ELMO1: variants seen among roughly 807,000 people sequenced by gnomAD.
ELMO1 encodes the protein engulfment and cell motility 1.
A neutral mutation model predicts 98.9 loss-of-function variants in ELMO1; 26 were observed. That is an observed-to-expected ratio of 0.26 (90% CI 0.19 to 0.36). The LOEUF (loss-of-function observed/expected upper bound fraction) is 0.36. ELMO1 is among the 10% of genes least tolerant of loss of function. The pLI, the probability that ELMO1 is intolerant of heterozygous loss-of-function variation, is 1.00. For synonymous variants in ELMO1, 346 were observed against 346.0 expected, an observed-to-expected ratio of 1.00 and a Z score of 0.00; for missense variants, 627 against 935.2, an observed-to-expected ratio of 0.67 and a Z score of 4.30.
intron 15 of ELMO1, among the ~76,000 whole-genome samples, chr7:37,080,624 T>G (rs908649540): frequency 6.9e-6 from 1 of 144,874 alleles, no homozygotes; most frequent in African/African-American, 2.6e-5. Flanking sequence ...TTTTTTTTTT[T>G]GTATTTTTAG....
chr7:36,969,500 C>G (rs1789731683), intron 16 of ELMO1, among the ~76,000 whole-genome samples: 1 of 152,084 alleles, frequency 6.6e-6, no homozygotes, highest in Non-Finnish European at 1.5e-5. Flanking sequence ...AAGTTTAACT[C>G]AGTATGTTTA....
chr7:36,962,528 G>A (rs1260362328), intron 16 of ELMO1, among the ~76,000 whole-genome samples: 2 of 152,142 alleles, frequency 1.3e-5, no homozygotes, highest in Non-Finnish European at 2.9e-5. Context: ...AAGAAGGTAA[G>A]CATGAGAGTC....
intron 13 of ELMO1, among the ~76,000 whole-genome samples, chr7:37,181,562 T>C (rs947629302): frequency 6.6e-6 from 1 of 152,108 alleles, no homozygotes; most frequent in Non-Finnish European, 1.5e-5. Context: ...AACTGGGAGA[T>C]ACATATAAAG....
At chr7:37,427,234 G>T (rs1804748300) in intron 1 of ELMO1, among the ~76,000 whole-genome samples, 1 of 152,216 alleles carries the variant, frequency 6.6e-6, no homozygotes, top group African/African-American at 2.4e-5. Context: ...AGAATACAGT[G>T]ACATCTCTGT....
rs145536982 is a variant in ELMO1, at chr7:37,235,714, C to T, written c.450-2520G>A. On this transcript the variant is annotated intron_variant, in intron 7 of 21. Transcript: ENST00000310758. Reference sequence around the variant, plus strand: ...CTGGGAGGCTGAGGCAGGCGCATCACCTGAGGTCAGGAGTTCGAGAGCAGC... The same window carrying T: ...CTGGGAGGCTGAGGCAGGCGCATCATCTGAGGTCAGGAGTTCGAGAGCAGC... 9.7e-3 allele frequency among the ~76,000 whole-genome samples: 1,476 copies of T among 152,336 alleles called. 32 individuals are homozygous for T. The highest frequency in any genetic ancestry group is 0.034 in the African/African-American group (1,417 of 41,574).
At chr7:36,977,088 T>C (rs1054017902) in intron 16 of ELMO1, among the ~76,000 whole-genome samples, 1 of 152,220 alleles carries the variant, frequency 6.6e-6, no homozygotes, top group African/African-American at 2.4e-5. Context: ...CTTTTAACAC[T>C]GCTTTTAGCA....
chr7:36,983,277 G>C lies in ELMO1; in HGVS notation c.1437+30022C>G, dbSNP rs578255743. On this transcript the variant is annotated intron_variant, in intron 16 of 21. Coordinates refer to ENST00000310758, the MANE Select transcript of ELMO1 (RefSeq NM_014800.11). ...CAGTAACATAAAGGGGCAACCAATG[G>C]GGCATTTTGTGATGGGCTTTTTACT... is the stretch of plus-strand genomic sequence containing the variant. Among the ~76,000 whole-genome samples, 3 of 152,144 alleles carry C rather than the reference G, an allele frequency of 2.0e-5. No homozygotes were observed. The South Asian group carries it at 6.2e-4, about 31-fold the overall frequency.
intron 15 of ELMO1, among the ~76,000 whole-genome samples, chr7:37,037,911 A>C (rs1795284435): frequency 6.6e-6 from 1 of 152,190 alleles, no homozygotes. Context: ...GTTATGGAAA[A>C]GGTAGCACAT....
intron 15 of ELMO1, among the ~76,000 whole-genome samples, chr7:37,058,063 CAT>C (rs1183427492): frequency 3.3e-5 from 5 of 152,244 alleles, no homozygotes; most frequent in Admixed American, 1.3e-4. Context: ...CAGGCACACA[CAT>C]GTGTGCACAG....
chr7:36,883,735 A>G (rs1439390470), intron 18 of ELMO1, among the ~76,000 whole-genome samples: 1 of 152,174 alleles, frequency 6.6e-6, no homozygotes, highest in African/African-American at 2.4e-5. Flanking sequence ...TGTACAGCCT[A>G]CAGAACCGTG....
At chr7:37,406,718 A>T (rs1252205951) in intron 1 of ELMO1, among the ~76,000 whole-genome samples, 1 of 152,144 alleles carries the variant, frequency 6.6e-6, no homozygotes, top group Non-Finnish European at 1.5e-5. Context: ...CTGGGATTAC[A>T]GGCGGGAGCC....
At chr7:36,936,704 T>G (rs1359889785) in intron 16 of ELMO1, among the ~76,000 whole-genome samples, 2 of 152,188 alleles carry the variant, frequency 1.3e-5, no homozygotes, top group African/African-American at 4.8e-5. Context: ...TTTTTCCTTC[T>G]TGGCTTCCGA....
Position 37,143,013 on chromosome 7 carries a change from T to C in ELMO1, c.1087-9779A>G, listed in dbSNP as rs1787740111. On this transcript the variant is annotated intron_variant, in intron 13 of 21. Transcript: ENST00000310758. The stretch of plus-strand genomic sequence containing the variant: ...GCATTCATTTGCTATTTTCAAAAAA[T>C]CCTTACAGTTAAAAAACAAAGTAAT... Among the ~76,000 whole-genome samples the C allele has an allele frequency of 2.6e-5, 4 of 152,308 alleles. No individual in the cohort carries two copies. The South Asian group carries it at 6.2e-4, about 24-fold the overall frequency.
At chr7:37,109,271 A>G (rs1267347591) in intron 14 of ELMO1, among the ~76,000 whole-genome samples, 1 of 152,128 alleles carries the variant, frequency 6.6e-6, no homozygotes, top group Non-Finnish European at 1.5e-5. Context: ...AAAACCATAC[A>G]CTCAACCTTC....
intron 20 of ELMO1, among the ~76,000 whole-genome samples, chr7:36,865,351 G>A (rs753733358): frequency 1.3e-5 from 2 of 152,172 alleles, no homozygotes; most frequent in Non-Finnish European, 2.9e-5. Context: ...GCTTATTGCT[G>A]TCCAGATATC....
intron 16 of ELMO1, among the ~76,000 whole-genome samples, chr7:36,978,570 T>C (rs1023136313): frequency 3.9e-5 from 6 of 152,064 alleles, no homozygotes; most frequent in African/African-American, 1.4e-4. Context: ...AGAGTTGGGG[T>C]AGGATGGCTA....
chr7:37,321,833 C>T (rs1009947810), intron 2 of ELMO1, among the ~76,000 whole-genome samples: 1 of 147,062 alleles, frequency 6.8e-6, no homozygotes, highest in Non-Finnish European at 1.5e-5. Flanking sequence ...TCCATAAACC[C>T]AAAAGGAACT....
At chr7:37,326,565 A>T (rs1562616758) in intron 2 of ELMO1, among the ~76,000 whole-genome samples, 1 of 152,082 alleles carries the variant, frequency 6.6e-6, no homozygotes. Flanking sequence ...AAAAAAAAAA[A>T]AAAAAAAATG....
chr7:37,294,771 A>T (rs1280901727), intron 4 of ELMO1, among the ~76,000 whole-genome samples: 2 of 152,198 alleles, frequency 1.3e-5, no homozygotes, highest in African/African-American at 2.4e-5. Flanking sequence ...AGGCAGAGGC[A>T]GGTGGATCGC....
Sources: allele counts gnomAD v4.1 joint callset (sites outside exome capture counted in the v4.1 genomes callset), GRCh38; gene constraint gnomAD v4.1.1; transcripts MANE v1.5; gene names NCBI Gene and HGNC (gene_info 2026-07-23, HGNC 2026-07-21).